Variants in PEBP4 observed in about 807,000 individuals in gnomAD.
PEBP4 encodes the protein phosphatidylethanolamine binding protein 4, also known as phosphatidylethanolamine-binding protein 4.
PEBP4 carries 22 observed loss-of-function variants against 23.9 expected under a neutral mutation model. That is an observed-to-expected ratio of 0.92 (90% CI 0.66 to 1.31). The LOEUF is 1.31. Ranked by LOEUF, PEBP4 falls within the 40% of genes most tolerant of loss-of-function variation. The pLI, the probability that PEBP4 is intolerant of heterozygous loss-of-function variation, is 0.00. For missense variants in PEBP4, 324 were observed against 281.7 expected (o/e 1.15, Z -1.07); for synonymous variants, 112 against 99.3 (o/e 1.13, Z -0.76).
intron 4 of PEBP4, among the ~76,000 whole-genome samples, chr8:22,801,145 C>G (rs1274634914): frequency 6.6e-6 from 1 of 152,116 alleles, no homozygotes; most frequent in East Asian, 1.9e-4. Flanking sequence ...AACGATTAAC[C>G]CTGTGGTTAA....
At chr8:22,825,112 C>A (rs1319683367) in intron 3 of PEBP4, among the ~76,000 whole-genome samples, 1 of 152,216 alleles carries the variant, frequency 6.6e-6, no homozygotes, top group Non-Finnish European at 1.5e-5. Context: ...GGGTCCCAGA[C>A]CTTTCATAAC....
chr8:22,779,758 G>T (rs960935984), intron 4 of PEBP4, among the ~76,000 whole-genome samples: 1 of 152,220 alleles, frequency 6.6e-6, no homozygotes. Flanking sequence ...ACTCAGCAGG[G>T]CTTCGAATAT....
intron 4 of PEBP4, among the ~76,000 whole-genome samples, chr8:22,746,875 G>C (rs897900169): frequency 1.3e-5 from 2 of 152,178 alleles, no homozygotes; most frequent in East Asian, 3.8e-4. Context: ...AGAATTATTT[G>C]ACTCTCGTTC....
intron 4 of PEBP4, among the ~76,000 whole-genome samples, chr8:22,759,151 C>T (rs539858933): frequency 7.2e-5 from 11 of 152,190 alleles, no homozygotes; most frequent in East Asian, 1.9e-4. Flanking sequence ...TGGGGGTAGA[C>T]GTGAGGCGCT....
At chr8:22,805,797 A>G (rs1413521123) in intron 4 of PEBP4, among the ~76,000 whole-genome samples, 1 of 150,624 alleles carries the variant, frequency 6.6e-6, no homozygotes, top group Admixed American at 6.6e-5. Context: ...TTTTTTTTTA[A>G]AAAAAAGGGA....
rs1409692929 is a variant in PEBP4, at chr8:22,741,094, A to G, written c.358-13874T>C. Among the ~76,000 whole-genome samples the G allele has an allele frequency of 2.0e-5, 3 of 152,112 alleles. No homozygotes were observed. The East Asian group carries it at 5.8e-4, about 29-fold the overall frequency. Reference sequence around the variant, plus strand: ...TTCTTCCGTGTTGCCTATAGACCAGATGAGGGTGCGGGGCAGCCCCGGTGT... The same window carrying G: ...TTCTTCCGTGTTGCCTATAGACCAGGTGAGGGTGCGGGGCAGCCCCGGTGT... On this transcript the variant is annotated intron_variant, in intron 4 of 6. Coordinates refer to ENST00000256404, the MANE Select transcript of PEBP4 (RefSeq NM_144962.3).
At chr8:22,880,907 A>G (rs1308562652) in intron 3 of PEBP4, among the ~76,000 whole-genome samples, 2 of 152,222 alleles carry the variant, frequency 1.3e-5, no homozygotes, top group Admixed American at 1.3e-4. Context: ...GCACGGGGCC[A>G]GGGCCAGGGC....
chr8:22,860,137 AAG>A (rs1807736372), intron 3 of PEBP4, among the ~76,000 whole-genome samples: 1 of 78,684 alleles, frequency 1.3e-5, no homozygotes, highest in Admixed American at 1.3e-4. Context: ...AAAAAAGAAA[AAG>A]AAAAAAAATT....
In PEBP4 at chr8:22,728,559, T is replaced by TCTTTCTTCCTTCCTTCCTTCCTTC. The variant is rs1462225042; in HGVS notation, c.358-1340_358-1339insGAAGGAAGGAAGGAAGGAAGAAAG. 1.3e-3 allele frequency among the ~76,000 whole-genome samples: 130 copies of TCTTTCTTCCTTCCTTCCTTCCTTC among 96,334 alleles called. 1 individual carries two copies. The highest frequency in any genetic ancestry group is 4.0e-3 in the African/African-American group (86 of 21,736). The allele number at this position is 96,334 out of a possible 152,430, so 63.2% of individuals were successfully genotyped here. ...TTCTTCCTTCCTTTCTTTCTTTCTT[T>TCTTTCTTCCTTCCTTCCTTCCTTC]CTTCCTTCCTTCCTTCCTTCCTTCC... On this transcript the variant is annotated intron_variant, in intron 4 of 6. Coordinates refer to ENST00000256404, the MANE Select transcript of PEBP4 (RefSeq NM_144962.3).
intron 5 of PEBP4, 140 bp from the exon 6 acceptor site, chr8:22,725,096 T>C: frequency 6.4e-6 from 4 of 620,858 alleles, no homozygotes; most frequent in Non-Finnish European, 1.2e-5. Flanking sequence ...GGATTTGTAT[T>C]TGGCGGGATC....
intron 3 of PEBP4, among the ~76,000 whole-genome samples, chr8:22,900,234 G>A (rs935831606): frequency 2.0e-5 from 3 of 152,214 alleles, no homozygotes; most frequent in South Asian, 2.1e-4. Context: ...GAATGGGGAA[G>A]GGTTGGGGAG....
intron 3 of PEBP4, among the ~76,000 whole-genome samples, chr8:22,883,443 A>G (rs1342011820): frequency 6.6e-6 from 1 of 152,074 alleles, no homozygotes; most frequent in African/African-American, 2.4e-5. Flanking sequence ...CTGTGCCCCA[A>G]GGGGCTCTGG....
At chr8:22,765,574 T>A (rs1370356041) in intron 4 of PEBP4, among the ~76,000 whole-genome samples, 1 of 152,258 alleles carries the variant, frequency 6.6e-6, no homozygotes, top group Non-Finnish European at 1.5e-5. Flanking sequence ...CCATCAGTGA[T>A]GCTGCCAAAG....
chr8:22,747,144 G>A (rs1310716577), intron 4 of PEBP4, among the ~76,000 whole-genome samples: 1 of 152,174 alleles, frequency 6.6e-6, no homozygotes, highest in African/African-American at 2.4e-5. Context: ...TATTAATTTT[G>A]TACTTATTAT....
chr8:22,918,128 A>G (rs569470827), intron 3 of PEBP4, among the ~76,000 whole-genome samples: 5 of 152,328 alleles, frequency 3.3e-5, no homozygotes, highest in African/African-American at 1.2e-4. Context: ...ACTTAAATGA[A>G]AGGTCCGAGT....
upstream of PEBP4, among the ~76,000 whole-genome samples, chr8:22,932,255 T>C (rs988026974): frequency 6.6e-6 from 1 of 152,022 alleles, no homozygotes; most frequent in Non-Finnish European, 1.5e-5. Flanking sequence ...GGATAAGACG[T>C]GAATGAGAGG....
At chr8:22,786,930 C>T (rs1209599362) in intron 4 of PEBP4, among the ~76,000 whole-genome samples, 1 of 152,112 alleles carries the variant, frequency 6.6e-6, no homozygotes, top group Non-Finnish European at 1.5e-5. Context: ...AAGTGATCCT[C>T]CCACTTCAGC....
intron 3 of PEBP4, among the ~76,000 whole-genome samples, chr8:22,868,548 T>C (rs1451083876): frequency 1.3e-5 from 2 of 152,210 alleles, no homozygotes; most frequent in African/African-American, 2.4e-5. Flanking sequence ...TAAACCCATC[T>C]GCCCAACATC....
chr8:22,894,290 C>A (rs189973123), intron 3 of PEBP4, among the ~76,000 whole-genome samples: 1 of 152,244 alleles, frequency 6.6e-6, no homozygotes, highest in Non-Finnish European at 1.5e-5. Context: ...ATTCTTGGCA[C>A]AGCCATGCAT....
Sources: gnomAD v4.1 joint callset for allele counts (sites outside exome capture counted in the v4.1 genomes callset) on GRCh38, gnomAD v4.1.1 for gene constraint, MANE v1.5 for transcripts, NCBI Gene and HGNC (gene_info 2026-07-23, HGNC 2026-07-21) for gene names.